DNAJC10: variants seen among roughly 807,000 people sequenced by gnomAD.
DNAJC10 encodes the protein endoplasmic reticulum disulfide reductase DNAJC10.
A neutral mutation model predicts 115.0 loss-of-function variants in DNAJC10; 101 were observed. The ratio of observed to expected loss-of-function variants is 0.88; its 90% confidence interval spans 0.75 to 1.04. DNAJC10 has a LOEUF of 1.04. DNAJC10 is among the 50% of genes least tolerant of loss of function. The probability of loss-of-function intolerance (pLI) is 0.00; values close to 1 mark genes in which losing one functional copy is unlikely to be tolerated. For missense variants in DNAJC10, 981 were observed against 928.8 expected (o/e 1.06, Z -0.73); for synonymous variants, 307 against 301.5 (o/e 1.02, Z -0.19).
rs1162944932 is a variant in DNAJC10 at position 182,779,209 on chromosome 2, G to A, written c.*2077G>A. The A allele has an allele frequency of 6.6e-6, 1 of 152,116 alleles. No homozygotes were observed. The highest frequency in any genetic ancestry group is 6.6e-5 in the Admixed American group (1 of 15,262). The allele number at this position is 152,116 out of a possible 1,614,324, so 9.4% of individuals were successfully genotyped here. The stretch of plus-strand genomic sequence containing the variant: ...GTATCATAAAGTGACATACATCAAG[G>A]TTATCTTATATAGTCATAACAGTAT... On this transcript the variant is annotated 3_prime_UTR_variant, in exon 24 of 24. Transcript: ENST00000264065.
rs182851523 is a variant in DNAJC10 at position 182,775,941 on chromosome 2, C to T, written c.2370+521C>T. On this transcript the variant is annotated intron_variant, in intron 23 of 23. Coordinates refer to ENST00000264065, the MANE Select transcript of DNAJC10 (RefSeq NM_018981.4). ...ACGTAGGTTAATGGTTGCCTGGGGC[C>T]GAAGTGGAGTGGGATAGAAAAGAGC... 2.1e-4 allele frequency among the ~76,000 whole-genome samples: 32 copies of T among 151,910 alleles called. No homozygotes were observed. The East Asian group carries it at 6.0e-3, about 28-fold the overall frequency.
intron 3 of DNAJC10, 48 bp downstream of exon 3, chr2:182,718,338 A>C: frequency 7.0e-7 from 1 of 1,418,784 alleles, no homozygotes; most frequent in Admixed American, 2.2e-5. Flanking sequence ...TTTTTGGTAC[A>C]TTTTGATATT....
chr2:182,766,669 A>G (rs1410525531), intron 22 of DNAJC10, among the ~76,000 whole-genome samples: 1 of 152,184 alleles, frequency 6.6e-6, no homozygotes, highest in Admixed American at 6.5e-5. Flanking sequence ...TGCTGGAAAT[A>G]GGAAATGAGA....
intron 22 of DNAJC10, among the ~76,000 whole-genome samples, chr2:182,773,252 C>T (rs1172699887): frequency 6.6e-6 from 1 of 152,156 alleles, no homozygotes; most frequent in Non-Finnish European, 1.5e-5. Flanking sequence ...TTTCTCTCTG[C>T]CTGCCCTTAA....
intron 18 of DNAJC10, 62 bp from the exon 19 acceptor site, chr2:182,757,630 T>A: frequency 1.6e-6 from 2 of 1,284,202 alleles, no homozygotes; most frequent in Non-Finnish European, 2.1e-6. Flanking sequence ...AATACAATGC[T>A]TATTTCTTTA....
chr2:182,736,960 G>T (rs755514763), intron 11 of DNAJC10, among the ~76,000 whole-genome samples: 52 of 152,146 alleles, frequency 3.4e-4, no homozygotes, highest in Non-Finnish European at 7.1e-4. Flanking sequence ...ATGTTGGCCA[G>T]GCTGGTCTTG....
intron 13 of DNAJC10, 111 bp downstream of exon 13, chr2:182,741,467 G>A: frequency 3.9e-6 from 2 of 519,366 alleles, no homozygotes; most frequent in East Asian, 3.5e-5. Flanking sequence ...ATTATAAGAA[G>A]CCTATAAGTG....
intron 9 of DNAJC10, 27 bp downstream of exon 9, chr2:182,731,134 A>G: frequency 6.5e-7 from 1 of 1,548,668 alleles, no homozygotes; most frequent in Non-Finnish European, 8.9e-7. Flanking sequence ...ATTTTGTTGG[A>G]ATGAGAACAT....
intron 5 of DNAJC10, among the ~76,000 whole-genome samples, chr2:182,722,521 TTC>T (rs1388371594): frequency 1.3e-5 from 2 of 149,386 alleles, no homozygotes; most frequent in Non-Finnish European, 3.0e-5. Context: ...CCAGAATAGA[TTC>T]TTATACTTTC....
At chr2:182,750,874 G>T (rs1268770176) in intron 14 of DNAJC10, among the ~76,000 whole-genome samples, 1 of 152,048 alleles carries the variant, frequency 6.6e-6, no homozygotes, top group Non-Finnish European at 1.5e-5. Flanking sequence ...TCATATATGT[G>T]GTCCACCATT....
intron 4 of DNAJC10, among the ~76,000 whole-genome samples, chr2:182,721,604 G>A (rs1242619304): frequency 6.6e-6 from 1 of 152,074 alleles, no homozygotes; most frequent in Non-Finnish European, 1.5e-5. Context: ...AGTTAACAGT[G>A]TACCACTCTC....
chr2:182,752,015 TG>T, intron 15 of DNAJC10, 56 bp from the exon 16 acceptor site: 14 of 1,376,330 alleles, frequency 1.0e-5, no homozygotes, highest in Admixed American at 1.7e-5. Context: ...GCAGAAATGA[TG>T]GGGGGGTTTT....
At chr2:182,770,450 T>C (rs1019592759) in intron 22 of DNAJC10, among the ~76,000 whole-genome samples, 4 of 152,246 alleles carry the variant, frequency 2.6e-5, no homozygotes, top group African/African-American at 9.6e-5. Flanking sequence ...TCCATTAGCA[T>C]GGAATATTCT....
At chr2:182,738,253 T>C (rs1291835691) in intron 11 of DNAJC10, among the ~76,000 whole-genome samples, 2 of 151,794 alleles carry the variant, frequency 1.3e-5, no homozygotes, top group Admixed American at 6.5e-5. Context: ...GTTATCTGTT[T>C]AGAATGGGAG....
chr2:182,762,767 C>T lies in DNAJC10; in HGVS notation c.2231C>T (p.Pro744Leu). 7 of 1,612,526 alleles carry T rather than the reference C, an allele frequency of 4.3e-6. No individual in the cohort carries two copies. The highest frequency in any genetic ancestry group is 5.9e-6 in the Non-Finnish European group (7 of 1,178,866). ...CAGAAAGCTGGGATCAGGGCCTATCCAACTGTTAAATTTTATTTCTACGAA... is the reference window on the plus strand; with the variant it reads ...CAGAAAGCTGGGATCAGGGCCTATCTAACTGTTAAATTTTATTTCTACGAA... The part of the protein sequence containing the change: ...TCQKAGIRAY[P>L]TVKFYFYERA... Residue 744 changes from proline to leucine, a missense_variant, in exon 22 of 24, where the codon CCA becomes CTA. Physicochemically the swap from Pro to Leu is moderately conservative, Grantham distance 98 (BLOSUM62 -3). Coordinates refer to ENST00000264065, the MANE Select transcript of DNAJC10 (RefSeq NM_018981.4).
In DNAJC10 at chr2:182,789,977, C is replaced by T. The variant is rs1418991004; in HGVS notation, c.*12845C>T. 1.3e-5 allele frequency: 2 copies of T among 152,152 alleles called. No individual in the cohort carries two copies. Among genetic ancestry groups the T allele is most frequent in the Non-Finnish European group, 2.9e-5 (2 of 68,032 alleles). The allele number at this position is 152,152 out of a possible 1,614,324, so 9.4% of individuals were successfully genotyped here. ...AAGTTGGTTATTTTACATTCTCATA[C>T]CATGCTTTGTATTACTTTCCCATTT... On this transcript the variant is annotated 3_prime_UTR_variant, in exon 24 of 24. Coordinates refer to ENST00000264065, the MANE Select transcript of DNAJC10 (RefSeq NM_018981.4).
At position 182,790,415 on chromosome 2, in the gene DNAJC10, A is replaced by G. The variant is rs1192642296; in HGVS notation, c.*13283A>G. On this transcript the variant is annotated 3_prime_UTR_variant, in exon 24 of 24. Transcript: ENST00000264065. ...TCTTACAGAACTGAACAATACTTAA[A>G]TGTGTTTAAACCTGCTATATAAAAT... 6.6e-6 allele frequency: 1 copy of G among 152,188 alleles called. No homozygotes were observed. The highest frequency in any genetic ancestry group is 1.5e-5 in the Non-Finnish European group (1 of 68,026). The allele number at this position is 152,188 out of a possible 1,614,324, so 9.4% of individuals were successfully genotyped here.
chr2:182,762,983 CT>C (rs1439518664), intron 22 of DNAJC10, among the ~76,000 whole-genome samples, 182 bp downstream of exon 22: 1 of 151,890 alleles, frequency 6.6e-6, no homozygotes, highest in African/African-American at 2.4e-5. Flanking sequence ...GGTTTTTTGT[CT>C]TGTGGTTGAT....
Position 182,779,759 on chromosome 2 carries a change from T to TGACA in DNAJC10, c.*2629_*2632dup, listed in dbSNP as rs1574965679. 2.0e-5 allele frequency: 3 copies of TGACA among 152,302 alleles called. No homozygotes were observed. In the East Asian group the frequency reaches 5.8e-4, roughly 29 times the overall value. 9.4% of individuals were successfully genotyped at this position (152,302 alleles called of 1,614,324 possible). ...TTTTCTTTAAATTTGCTCTGTTTTC[T>TGACA]GACAGTGCTCAAAGTGGGAATTTTT... On this transcript the variant is annotated 3_prime_UTR_variant, in exon 24 of 24. Transcript: ENST00000264065.
Sources: gnomAD v4.1 joint callset for allele counts (sites outside exome capture counted in the v4.1 genomes callset) on GRCh38, gnomAD v4.1.1 for gene constraint, MANE v1.5 for transcripts, NCBI Gene and HGNC (gene_info 2026-07-23, HGNC 2026-07-21) for gene names.